Variants in FBXO25 observed in about 807,000 individuals in gnomAD.
FBXO25 encodes F-box protein 25.
FBXO25 carries 45 observed loss-of-function variants against 51.9 expected under a neutral mutation model. The observed-to-expected ratio is 0.87, with a 90% CI of 0.68 to 1.11. FBXO25 has a LOEUF of 1.11. FBXO25 is among the 50% of genes most tolerant of loss of function. FBXO25 has a pLI of 0.00. For missense variants in FBXO25, 507 were observed against 428.5 expected, an observed-to-expected ratio of 1.18 and a Z score of -1.62; for synonymous variants, 199 against 151.0, an observed-to-expected ratio of 1.32 and a Z score of -2.33.
intron 5 of FBXO25, among the ~76,000 whole-genome samples, chr8:444,388 T>C (rs1798612387): frequency 6.6e-6 from 1 of 152,168 alleles, no homozygotes; most frequent in Non-Finnish European, 1.5e-5. Flanking sequence ...TGTTCAGGAG[T>C]GGACCTCGAA....
rs958049050 is a variant in FBXO25, at chr8:468,821, C to T, written c.*17C>T. ...AAGTTTTAAGGGCTGCCCCTGCCAT[C>T]CCTATTGGAGATTGTGAATCCTGCT... On this transcript the variant is annotated 3_prime_UTR_variant, in exon 10 of 10. Coordinates refer to ENST00000350302, the MANE Select transcript of FBXO25 (RefSeq NM_183420.2). 6.2e-7 allele frequency: 1 copy of T among 1,611,676 alleles called. No homozygotes were observed. The highest frequency in any genetic ancestry group is 1.3e-5 in the African/African-American group (1 of 75,000).
intron 7 of FBXO25, among the ~76,000 whole-genome samples, chr8:457,172 CTG>C (rs1216701217): frequency 2.6e-5 from 4 of 152,164 alleles, no homozygotes; most frequent in South Asian, 2.1e-4. Flanking sequence ...CCACCCCAGA[CTG>C]GGGTCAGGAG....
chr8:424,402 A>G (rs1169063239), intron 2 of FBXO25, among the ~76,000 whole-genome samples: 1 of 152,014 alleles, frequency 6.6e-6, no homozygotes, highest in African/African-American at 2.4e-5. Flanking sequence ...TTTTTGTTGC[A>G]TTTGTTTTTG....
intron 9 of FBXO25, among the ~76,000 whole-genome samples, 154 bp from the exon 10 acceptor site, chr8:468,561 T>C (rs1048792458): frequency 7.9e-5 from 12 of 151,838 alleles, no homozygotes; most frequent in Non-Finnish European, 1.5e-4. Context: ...CGGCTGCCCT[T>C]GTGTTGGTCA....
intron 9 of FBXO25, chr8:468,010 G>C: frequency 7.6e-7 from 1 of 1,318,904 alleles, no homozygotes; most frequent in Non-Finnish European, 9.7e-7. Flanking sequence ...TCACCACACA[G>C]CACCTGGTTT....
intron 9 of FBXO25, among the ~76,000 whole-genome samples, chr8:465,993 G>GC (rs1198031365): frequency 6.6e-6 from 1 of 152,134 alleles, no homozygotes; most frequent in Non-Finnish European, 1.5e-5. Flanking sequence ...AAGGACAGCT[G>GC]CCCATCTCTT....
intron 2 of FBXO25, among the ~76,000 whole-genome samples, chr8:423,505 C>G (rs924222855): frequency 1.3e-5 from 2 of 151,994 alleles, no homozygotes; most frequent in African/African-American, 4.8e-5. Context: ...TCCATGTGTG[C>G]TCAGTGTTTA....
In FBXO25 at chr8:471,368, G is replaced by C. The variant is rs1800478506; in HGVS notation, c.*2564G>C. 6.6e-6 allele frequency: 1 copy of C among 152,030 alleles called. No individual in the cohort carries two copies. The allele number at this position is 152,030 out of a possible 1,614,324, so 9.4% of individuals were successfully genotyped here. The stretch of plus-strand genomic sequence containing the variant: ...ACAGAAGATCGGACAACACCAAACA[G>C]AGATGAGAAGAGAAATCATAGATCT... On this transcript the variant is annotated 3_prime_UTR_variant, in exon 10 of 10. Transcript: ENST00000350302.
At chr8:431,627 A>G (rs902927417) in intron 3 of FBXO25, among the ~76,000 whole-genome samples, 183 bp downstream of exon 3, 3 of 152,226 alleles carry the variant, frequency 2.0e-5, no homozygotes, top group Admixed American at 6.5e-5. Flanking sequence ...AGTGGGTAAG[A>G]TGTGCAAAAA....
At chr8:431,728 G>A (rs1430695656) in intron 3 of FBXO25, among the ~76,000 whole-genome samples, 1 of 152,188 alleles carries the variant, frequency 6.6e-6, no homozygotes, top group Non-Finnish European at 1.5e-5. Context: ...TGAGCAGTGA[G>A]GCCAAACTGA....
At position 468,769 on chromosome 8, in the gene FBXO25, T is replaced by A. The variant is rs770683372; in HGVS notation, c.1042T>A (p.Ser348Thr). The change falls in exon 10 of 10, where the codon TCT (serine) becomes ACT (threonine). Residue 348 changes from serine (S) to threonine (T), a missense_variant. Transcript: ENST00000350302. The part of the protein sequence containing the change: ...ADPDSCFTPV[S>T]PQHFIDLFKF The stretch of plus-strand genomic sequence containing the variant: ...CCCTGACAGCTGCTTCACGCCTGTG[T>A]CTCCGCAGCACTTCATCGACCTCTT... 6.2e-7 allele frequency: 1 copy of A among 1,614,044 alleles called. No individual in the cohort carries two copies. The highest frequency in any genetic ancestry group is 8.5e-7 in the Non-Finnish European group (1 of 1,180,024).
Position 458,467 on chromosome 8 carries a change from C to A in FBXO25, c.759C>A (p.Gly253=). 4.3e-6 allele frequency: 7 copies of A among 1,614,128 alleles called. No individual in the cohort carries two copies. Among genetic ancestry groups the A allele is most frequent in the Non-Finnish European group, 5.9e-6 (7 of 1,179,976 alleles). Residue 253 remains glycine, a synonymous_variant, in exon 8 of 10, where the codon GGC becomes GGA. Transcript: ENST00000350302. ...FSDGWDIITL[G]QVTPTLYMLS... is the part of the protein sequence containing the mutation. Reference sequence around the variant, plus strand: ...ACGGATGGGACATCATCACCTTAGGCCAGGTGACCCCCACGTTGTATATGC... The same window carrying A: ...ACGGATGGGACATCATCACCTTAGGACAGGTGACCCCCACGTTGTATATGC...
intron 8 of FBXO25, among the ~76,000 whole-genome samples, chr8:459,938 C>G (rs1799699587): frequency 6.6e-6 from 1 of 152,144 alleles, no homozygotes; most frequent in South Asian, 2.1e-4. Context: ...GGGGAAAACT[C>G]TCTCAAGTGG....
At chr8:467,775 T>C (rs1454347607) in intron 9 of FBXO25, 2 of 1,613,044 alleles carry the variant, frequency 1.2e-6, no homozygotes, top group East Asian at 2.2e-5. Context: ...ACACATCCTG[T>C]GTTCGGGATG....
At chr8:447,222 A>G (rs1027931283) in intron 5 of FBXO25, among the ~76,000 whole-genome samples, 1 of 152,136 alleles carries the variant, frequency 6.6e-6, no homozygotes, top group East Asian at 1.9e-4. Context: ...TTACTCAGGG[A>G]CATGGGCTGT....
chr8:418,393 G>A (rs1390083896), intron 2 of FBXO25, among the ~76,000 whole-genome samples: 1 of 125,882 alleles, frequency 7.9e-6, no homozygotes, highest in African/African-American at 3.1e-5. Flanking sequence ...AGGCTGGAGT[G>A]CAGTGGCATG....
chr8:468,236 G>A (rs901230054), intron 9 of FBXO25: 18 of 1,010,100 alleles, frequency 1.8e-5, no homozygotes, highest in African/African-American at 1.6e-4. Context: ...GGCTGAGGCC[G>A]TGTGTCCCCC....
At position 474,643 on chromosome 8, in the gene FBXO25, CTGTT is replaced by C. The variant is rs1243725335; in HGVS notation, c.*5844_*5847del. On this transcript the variant is annotated 3_prime_UTR_variant, in exon 10 of 10. Transcript: ENST00000350302. ...CGTAATGACTGGTGATGCTGAGTATCTGTTTGTTGGCCGTTTATATGTCGTCTTT... is the reference window on the plus strand; with the variant it reads ...CGTAATGACTGGTGATGCTGAGTATCTGTTGGCCGTTTATATGTCGTCTTT... 13 of 436,758 alleles carry C rather than the reference CTGTT, an allele frequency of 3.0e-5. No individual in the cohort carries two copies. Among genetic ancestry groups the C allele is most frequent in the Admixed American group, 7.8e-5 (3 of 38,512 alleles). The allele number at this position is 436,758 out of a possible 1,614,324, so 27.1% of individuals were successfully genotyped here.
chr8:436,637 C>G (rs541244276), intron 5 of FBXO25, among the ~76,000 whole-genome samples: 1 of 152,312 alleles, frequency 6.6e-6, no homozygotes, highest in East Asian at 1.9e-4. Flanking sequence ...TATTTACACA[C>G]TGGCCAGCAG....
Sources: allele counts gnomAD v4.1 joint callset (sites outside exome capture counted in the v4.1 genomes callset), GRCh38; gene constraint gnomAD v4.1.1; transcripts MANE v1.5; gene names NCBI Gene and HGNC (gene_info 2026-07-23, HGNC 2026-07-21).